Variants in GUCY2F observed in about 807,000 individuals in gnomAD.
The protein encoded by GUCY2F is retinal guanylyl cyclase 2.
In GUCY2F, 61 loss-of-function variants were observed where a neutral mutation model predicts 73.1. That is an observed-to-expected ratio of 0.83 (90% confidence interval 0.68 to 1.03). The LOEUF is 1.03. Among genes scored for constraint, GUCY2F ranks in the 50% least tolerant of loss-of-function variants. The pLI is 0.00. For synonymous variants in GUCY2F, 331 were observed against 307.8 expected, an observed-to-expected ratio of 1.08 and a Z score of -0.79; for missense variants, 912 against 854.3, an observed-to-expected ratio of 1.07 and a Z score of -0.84.
intron 7 of GUCY2F, among the ~76,000 whole-genome samples, chrX:109,435,584 T>A (rs1278565499): frequency 1.8e-5 from 2 of 110,214 alleles, no homozygotes; most frequent in Admixed American, 1.9e-4. Flanking sequence ...CAGGGACAAT[T>A]TGACTTCCTC....
intron 8 of GUCY2F, among the ~76,000 whole-genome samples, chrX:109,412,785 AGGCAATAAAATG>A (rs1931143150): frequency 8.9e-6 from 1 of 112,014 alleles, no homozygotes; most frequent in African/African-American, 3.2e-5. Flanking sequence ...CCCTTCCTCT[AGGCAATAAAATG>A]GGAGAGGAAG....
chrX:109,453,860 C>T lies in GUCY2F; in HGVS notation c.1033-1G>A. The T allele has an allele frequency of 1.8e-6, 2 of 1,101,422 alleles. No homozygotes were observed. Among genetic ancestry groups the T allele is most frequent in the Non-Finnish European group, 2.5e-6 (2 of 812,252 alleles). The allele number at this position is 1,101,422 out of a possible 1,213,427, so 90.8% of individuals were successfully genotyped here. On this transcript the variant is annotated splice_acceptor_variant, in intron 3 of 19. Transcript: ENST00000218006. LOFTEE classifies it high-confidence loss of function. The stretch of plus-strand genomic sequence containing the variant: ...AGATGGTTCCAAACAACGGTGAAAC[C>T]TATTTTTAAAAATTACAATTATCTT...
chrX:109,456,427 G>C (rs745870670), intron 3 of GUCY2F, among the ~76,000 whole-genome samples: 6 of 111,649 alleles, frequency 5.4e-5, no homozygotes, highest in Non-Finnish European at 1.1e-4. Context: ...AAGGCACAGA[G>C]CCTTCTGAGA....
chrX:109,395,886 C>T (rs1207006150), intron 11 of GUCY2F, among the ~76,000 whole-genome samples: 1 of 111,755 alleles, frequency 8.9e-6, no homozygotes, highest in Non-Finnish European at 1.9e-5. Context: ...CCAGGCCCAG[C>T]CCAGGTCCAG....
At position 109,448,155 on chromosome X, in the gene GUCY2F, T is replaced by C; in HGVS notation, c.1483A>G (p.Asn495Asp). Residue 495 changes from asparagine (N) to aspartate (D), a missense_variant, in exon 6 of 20, where the codon AAT (asparagine) becomes GAT (aspartate). By Grantham distance (23) the Asn-to-Asp change is conservative. Transcript: ENST00000218006. Reference sequence around the variant, plus strand: ...GGTCCTTTGATCAACTGGATTTTATTTATACGACGCCTAAAACAAACATGA... The same window carrying C: ...GGTCCTTTGATCAACTGGATTTTATCTATACGACGCCTAAAACAAACATGA... The part of the protein sequence containing the change: ...GFAYFIRRRI[N>D]KIQLIKGPNR... 9.5e-7 allele frequency: 1 copy of C among 1,053,250 alleles called. No individual in the cohort carries two copies. The highest frequency in any genetic ancestry group is 1.3e-6 in the Non-Finnish European group (1 of 751,746). 86.8% of individuals were successfully genotyped at this position (1,053,250 alleles called of 1,213,427 possible). A position where few individuals can be genotyped will look rare whatever the true frequency, so the allele number is the denominator to read the frequency against.
intron 8 of GUCY2F, among the ~76,000 whole-genome samples, chrX:109,422,012 A>G (rs1020602478): frequency 3.6e-5 from 4 of 111,882 alleles, no homozygotes; most frequent in Admixed American, 9.5e-5. Flanking sequence ...ACATAAAATC[A>G]AAGAACAGAA....
At chrX:109,446,392 AAC>A (rs1932010420) in intron 6 of GUCY2F, among the ~76,000 whole-genome samples, 1 of 112,134 alleles carries the variant, frequency 8.9e-6, no homozygotes, top group Non-Finnish European at 1.9e-5. Flanking sequence ...AGGCTACAGT[AAC>A]CAAAACAGCA....
In GUCY2F at chrX:109,453,742, T is replaced by C; in HGVS notation, c.1150A>G (p.Asn384Asp). The C allele has an allele frequency of 8.3e-7, 1 of 1,201,045 alleles. No homozygotes were observed. The highest frequency in any genetic ancestry group is 1.1e-6 in the Non-Finnish European group (1 of 885,547). Reference protein sequence around the residue: ...GAASLVQHSRNMQFHGFNQLM... With the variant: ...GAASLVQHSRDMQFHGFNQLM... Reference sequence around the variant, plus strand: ...TGGTTGAATCCATGGAACTGCATGTTTCTGGAATGCTGAACCAGGCTGGCA... The same window carrying C: ...TGGTTGAATCCATGGAACTGCATGTCTCTGGAATGCTGAACCAGGCTGGCA... The change falls in exon 4 of 20, where the codon AAC (asparagine) becomes GAC (aspartate). Residue 384 changes from asparagine (N) to aspartate (D), a missense_variant. Asn to Asp is a conservative substitution (Grantham distance 23). Coordinates refer to ENST00000218006, the MANE Select transcript of GUCY2F (RefSeq NM_001522.3).
intron 16 of GUCY2F, among the ~76,000 whole-genome samples, chrX:109,382,535 C>T (rs1313972172): frequency 8.9e-6 from 1 of 112,371 alleles, no homozygotes; most frequent in African/African-American, 3.2e-5. Context: ...TGAAACGTGA[C>T]GTCATTTGAA....
chrX:109,445,341 G>T (rs1931976817), intron 6 of GUCY2F, among the ~76,000 whole-genome samples: 1 of 111,723 alleles, frequency 9.0e-6, no homozygotes, highest in African/African-American at 3.3e-5. Context: ...ATATATTGTT[G>T]CCCTTGAAGA....
chrX:109,380,524 G>A (rs780750678), intron 17 of GUCY2F, among the ~76,000 whole-genome samples: 9 of 110,326 alleles, frequency 8.2e-5, no homozygotes, highest in Non-Finnish European at 1.5e-4. Context: ...TTCCTCTGAG[G>A]CGCCCTCTTC....
At chrX:109,402,137 G>A (rs1216030521) in intron 10 of GUCY2F, among the ~76,000 whole-genome samples, 6 of 111,404 alleles carry the variant, frequency 5.4e-5, no homozygotes, top group African/African-American at 2.0e-4. Flanking sequence ...TGGCTGCAGT[G>A]TGTGAAGAAT....
chrX:109,471,179 C>T (rs1932566351), intron 2 of GUCY2F, among the ~76,000 whole-genome samples: 1 of 111,982 alleles, frequency 8.9e-6, no homozygotes, highest in African/African-American at 3.2e-5. Flanking sequence ...GTCATATTTA[C>T]TTAACATCAT....
At chrX:109,374,677 GT>G (rs769680544) in intron 19 of GUCY2F, among the ~76,000 whole-genome samples, 116 of 111,433 alleles carry the variant, frequency 1.0e-3, no homozygotes, top group Non-Finnish European at 1.7e-3. Flanking sequence ...ATCTGTGTGT[GT>G]GTCTGTCTGT....
intron 3 of GUCY2F, among the ~76,000 whole-genome samples, chrX:109,458,062 C>G (rs1932294474): frequency 8.9e-6 from 1 of 111,781 alleles, no homozygotes; most frequent in Non-Finnish European, 1.9e-5. Flanking sequence ...GTCCCCACCC[C>G]TCAGATCTCC....
intron 1 of GUCY2F, among the ~76,000 whole-genome samples, chrX:109,478,252 T>C: frequency 8.9e-6 from 1 of 112,481 alleles, no homozygotes. Context: ...TGAGCTCTAG[T>C]CAAGAGCCAC....
chrX:109,400,766 T>C (rs1930821105), intron 10 of GUCY2F, among the ~76,000 whole-genome samples: 1 of 112,167 alleles, frequency 8.9e-6, no homozygotes, highest in African/African-American at 3.2e-5. Context: ...ATTTTGCCCC[T>C]ATGTCTCCCT....
chrX:109,415,717 C>T (rs1462715457), intron 8 of GUCY2F, among the ~76,000 whole-genome samples: 1 of 112,188 alleles, frequency 8.9e-6, no homozygotes, highest in East Asian at 2.8e-4. Flanking sequence ...TTCAATCCTG[C>T]TCAATCTTTG....
At chrX:109,418,866 CAAAAAG>C (rs1383128198) in intron 8 of GUCY2F, among the ~76,000 whole-genome samples, 1 of 108,021 alleles carries the variant, frequency 9.3e-6, no homozygotes, top group African/African-American at 3.3e-5. Context: ...CTGATCAAGA[CAAAAAG>C]AAAAAGAAAA....
Sources: allele counts gnomAD v4.1 joint callset (sites outside exome capture counted in the v4.1 genomes callset), GRCh38; gene constraint gnomAD v4.1.1; transcripts MANE v1.5; gene names NCBI Gene and HGNC (gene_info 2026-07-23, HGNC 2026-07-21).